GLB1L3: variants seen among roughly 807,000 people sequenced by gnomAD.
GLB1L3 encodes galactosidase beta 1 like 3.
A neutral mutation model predicts 89.5 loss-of-function variants in GLB1L3; 89 were observed. That is an observed-to-expected ratio of 0.99 (90% CI 0.84 to 1.19). GLB1L3 has a LOEUF of 1.19. Among genes scored for constraint, GLB1L3 ranks in the 50% most tolerant of loss-of-function variants. GLB1L3 has a pLI of 0.00. For missense variants in GLB1L3, 812 were observed against 813.3 expected, an observed-to-expected ratio of 1.00 and a Z score of 0.02; for synonymous variants, 314 against 312.3, an observed-to-expected ratio of 1.01 and a Z score of -0.06.
chr11:134,302,794 T>C (rs1323455581), intron 9 of GLB1L3, among the ~76,000 whole-genome samples: 2 of 152,214 alleles, frequency 1.3e-5, no homozygotes, highest in Non-Finnish European at 2.9e-5. Flanking sequence ...GTAATGAATG[T>C]ATTTTGCGGT....
intron 14 of GLB1L3, 136 bp from the exon 15 acceptor site, chr11:134,312,680 A>G: frequency 1.0e-6 from 1 of 962,208 alleles, no homozygotes; most frequent in Non-Finnish European, 1.6e-6. Context: ...TGGGGCCTCC[A>G]GGCAGCTTCA....
At chr11:134,321,918 TA>T (rs34751396), downstream of GLB1L3, among the ~76,000 whole-genome samples, 365 of 147,972 alleles carry the variant, frequency 2.5e-3, 1 homozygote, top group Middle Eastern at 0.014. Context: ...TAAAGTATAA[TA>T]AAAAAAAAAG....
chr11:134,280,120 TAA>T (rs1940605885), intron 3 of GLB1L3, among the ~76,000 whole-genome samples: 2 of 152,118 alleles, frequency 1.3e-5, no homozygotes, highest in African/African-American at 4.8e-5. Context: ...AAATATTTCC[TAA>T]GTTTTGATGT....
chr11:134,311,454 C>A, intron 13 of GLB1L3: 1 of 275,650 alleles, frequency 3.6e-6, no homozygotes, highest in South Asian at 7.5e-5. Context: ...GTGGTCCTTA[C>A]GGAATCCACG....
chr11:134,313,003 C>G lies in GLB1L3; in HGVS notation c.1500+116C>G, dbSNP rs1361192671. The G allele has an allele frequency of 5.0e-6, 4 of 799,944 alleles. No homozygotes were observed. In the African/African-American group the frequency reaches 6.8e-5, roughly 14 times the overall value. 49.6% of individuals were successfully genotyped at this position (799,944 alleles called of 1,614,324 possible). A position where few individuals can be genotyped will look rare whatever the true frequency, so the allele number is the denominator to read the frequency against. On this transcript the variant is annotated intron_variant, in intron 15 of 19. Coordinates refer to ENST00000431683, the MANE Select transcript of GLB1L3 (RefSeq NM_001080407.3). ...CCCTGCTGCTGGTGCTGCTGCTCAC[C>G]TGGGGCGGCGGCAGGAAGTGTGCAG...
At chr11:134,295,090 C>T (rs917376969) in intron 9 of GLB1L3, among the ~76,000 whole-genome samples, 13 of 152,230 alleles carry the variant, frequency 8.5e-5, no homozygotes, top group Admixed American at 2.6e-4. Flanking sequence ...TTTTCTTAAA[C>T]GGTATTTGGT....
chr11:134,317,939 G>A (rs1318021728), intron 18 of GLB1L3, among the ~76,000 whole-genome samples: 1 of 152,068 alleles, frequency 6.6e-6, no homozygotes, highest in Admixed American at 6.5e-5. Flanking sequence ...TTGCCTTAAA[G>A]TATTATTTTT....
chr11:134,307,674 A>G (rs1013850825), intron 10 of GLB1L3, among the ~76,000 whole-genome samples: 13 of 152,228 alleles, frequency 8.5e-5, no homozygotes, highest in African/African-American at 3.1e-4. Context: ...GACAACATGC[A>G]GCGATAGCCA....
rs1407736465 is a variant in GLB1L3, at chr11:134,310,576, G to C, written c.1105G>C (p.Asp369His). Reference protein sequence around the residue: ...HSGIVTSYDYDAVLTEAGDYT... With the variant: ...HSGIVTSYDYHAVLTEAGDYT... ...CTGGCCCTGGTGTCTTGCAGACTAT[G>C]ATGCAGTGCTCACGGAGGCTGGAGA... The change falls in exon 12 of 20, where the codon GAT (aspartate) becomes CAT (histidine). Residue 369 changes from aspartate to histidine, a missense_variant. By Grantham distance (81) the Asp-to-His change is moderately conservative. This residue lies in a region of GLB1L3 where 618 missense variants were observed against 604.0 expected (regional missense o/e 1.02). Transcript: ENST00000431683. 6.2e-6 allele frequency: 10 copies of C among 1,612,288 alleles called. No homozygotes were observed. The highest frequency in any genetic ancestry group is 8.5e-6 in the Non-Finnish European group (10 of 1,178,946).
intron 12 of GLB1L3, 125 bp downstream of exon 12, chr11:134,310,776 G>A (rs2136218306): frequency 1.4e-6 from 1 of 719,292 alleles, no homozygotes; most frequent in East Asian, 2.7e-5. Flanking sequence ...TGAGAACAAG[G>A]GCAACCTTAA....
intron 7 of GLB1L3, among the ~76,000 whole-genome samples, chr11:134,290,215 T>G (rs987186233): frequency 7.2e-5 from 11 of 152,228 alleles, no homozygotes; most frequent in African/African-American, 2.4e-4. Flanking sequence ...CATTATTTAA[T>G]CGGTTGTATT....
rs575544535 is a variant in GLB1L3 at position 134,313,391 on chromosome 11, A to G, written c.1501-5A>G. ...TGGTCTCCATGACCTGGCCTGTCCC[A>G]GCAGGACTGCCGATACCTGAGGATC... On this transcript the variant is annotated splice_region_variant and splice_polypyrimidine_tract_variant and intron_variant, in intron 15 of 19. Coordinates refer to ENST00000431683, the MANE Select transcript of GLB1L3 (RefSeq NM_001080407.3). 2.2e-5 allele frequency: 34 copies of G among 1,574,098 alleles called. No individual in the cohort carries two copies. The African/African-American group carries it at 2.6e-4, about 12-fold the overall frequency.
In GLB1L3 at chr11:134,318,748, G is replaced by A; in HGVS notation, c.1896+1G>A. ...TTGGCTTCATCCAGAAGACAATGAG[G>A]TATGTCACTCCAGTCTCTGCCTTGA... On this transcript the variant is annotated splice_donor_variant, in intron 19 of 19. Transcript: ENST00000431683. LOFTEE classifies it high-confidence loss of function. 1 of 1,589,368 alleles carries A rather than the reference G, an allele frequency of 6.3e-7. No homozygotes were observed. Among genetic ancestry groups the A allele is most frequent in the Non-Finnish European group, 8.6e-7 (1 of 1,158,202 alleles).
rs776253520 is a variant in GLB1L3, at chr11:134,312,500, C to G, written c.1428+11C>G. The G allele has an allele frequency of 3.0e-5, 48 of 1,609,524 alleles. No homozygotes were observed. The highest frequency in any genetic ancestry group is 3.9e-5 in the Non-Finnish European group (46 of 1,179,694). On this transcript the variant is annotated intron_variant, in intron 14 of 19. Coordinates refer to ENST00000431683, the MANE Select transcript of GLB1L3 (RefSeq NM_001080407.3). Reference sequence around the variant, plus strand: ...CATGACGTGGCACAGGTAGGGCCAGCAGGCTGTCTGTGTGGGAAGCAAAGT... The same window carrying G: ...CATGACGTGGCACAGGTAGGGCCAGGAGGCTGTCTGTGTGGGAAGCAAAGT...
At chr11:134,321,575 A>T (rs1303166831), downstream of GLB1L3, among the ~76,000 whole-genome samples, 5 of 152,146 alleles carry the variant, frequency 3.3e-5, no homozygotes, top group East Asian at 9.6e-4. Flanking sequence ...TACTCCATGG[A>T]ATACTATGCA....
Position 134,293,635 on chromosome 11 carries a change from G to A in GLB1L3, c.876+426G>A, listed in dbSNP as rs569449564. Among the ~76,000 whole-genome samples the A allele has an allele frequency of 3.4e-4, 52 of 152,204 alleles. No homozygotes were observed. The East Asian group carries it at 4.2e-3, about 12-fold the overall frequency. ...CACTGATTTAAGACGTGGATTGAGC[G>A]GCTCCCACCTTCTCTCAGTGGGTGA... On this transcript the variant is annotated intron_variant, in intron 9 of 19. Coordinates refer to ENST00000431683, the MANE Select transcript of GLB1L3 (RefSeq NM_001080407.3).
intron 18 of GLB1L3, among the ~76,000 whole-genome samples, chr11:134,316,023 G>A (rs1187924377): frequency 6.6e-6 from 1 of 152,100 alleles, no homozygotes; most frequent in Non-Finnish European, 1.5e-5. Context: ...TAAAGTGAAC[G>A]ATTAAGTAGT....
chr11:134,315,706 C>T (rs115817126), intron 18 of GLB1L3, among the ~76,000 whole-genome samples: 61 of 152,274 alleles, frequency 4.0e-4, no homozygotes, highest in African/African-American at 1.4e-3. Context: ...CACCAGAACA[C>T]TATCAATTTT....
intron 13 of GLB1L3, 188 bp downstream of exon 13, chr11:134,311,358 T>C (rs1450445444): frequency 1.0e-5 from 6 of 586,938 alleles, no homozygotes; most frequent in Admixed American, 8.8e-5. Flanking sequence ...TTGGAGTCAG[T>C]GTGCAGGGGA....
Sources: gnomAD v4.1 joint callset for allele counts (sites outside exome capture counted in the v4.1 genomes callset) on GRCh38, gnomAD v4.1.1 for gene constraint, gnomAD v4.1.1 regional missense constraint, MANE v1.5 for transcripts, NCBI Gene and HGNC (gene_info 2026-07-23, HGNC 2026-07-21) for gene names.